XKR5: variants seen among roughly 807,000 people sequenced by gnomAD.
XKR5 encodes XK related 5.
XKR5 carries 46 observed loss-of-function variants against 40.8 expected under a neutral mutation model. The observed-to-expected ratio is 1.13, with a 90% CI of 0.89 to 1.44. The LOEUF is 1.44. Among genes scored for constraint, XKR5 ranks in the 40% most tolerant of loss-of-function variants. The pLI is 0.00. For synonymous variants in XKR5, 466 were observed against 356.1 expected, an observed-to-expected ratio of 1.31 and a Z score of -3.48; for missense variants, 1,169 against 844.7, an observed-to-expected ratio of 1.38 and a Z score of -4.76.
chr8:6,817,770 C>T (rs1320882903), intron 5 of XKR5, among the ~76,000 whole-genome samples: 1 of 152,208 alleles, frequency 6.6e-6, no homozygotes, highest in Non-Finnish European at 1.5e-5. Flanking sequence ...CCAGAACTGT[C>T]TCCTCAAGTA....
chr8:6,833,364 T>C (rs1310604812), intron 1 of XKR5, among the ~76,000 whole-genome samples: 3 of 152,234 alleles, frequency 2.0e-5, no homozygotes, highest in Admixed American at 2.0e-4. Context: ...TGGCCCGGCA[T>C]GGTGTGCCAT....
chr8:6,825,098 A>T (rs1471807780), intron 3 of XKR5, 67 bp downstream of exon 3: 1 of 1,586,020 alleles, frequency 6.3e-7, no homozygotes, highest in African/African-American at 1.4e-5. Context: ...GTTTTGCTAA[A>T]CAGGCTCACA....
chr8:6,833,972 GGAGA>G (rs1804884481), intron 1 of XKR5, among the ~76,000 whole-genome samples: 1 of 152,178 alleles, frequency 6.6e-6, no homozygotes, highest in South Asian at 2.1e-4. Flanking sequence ...GTTACGCAGT[GGAGA>G]GAGAATGTGC....
intron 1 of XKR5, among the ~76,000 whole-genome samples, chr8:6,833,704 A>C (rs887925982): frequency 6.6e-6 from 1 of 151,708 alleles, no homozygotes; most frequent in African/African-American, 2.4e-5. Context: ...CCACAGAGCA[A>C]GACTCTTGTC....
chr8:6,826,330 AGTGT>A (rs147603963), intron 2 of XKR5, among the ~76,000 whole-genome samples: 71 of 138,566 alleles, frequency 5.1e-4, no homozygotes, highest in African/African-American at 1.4e-3. Context: ...GTGCAGTGTG[AGTGT>A]GTGTGTGTGC....
At chr8:6,821,117 C>A (rs550085093) in intron 5 of XKR5, among the ~76,000 whole-genome samples, 1 of 152,176 alleles carries the variant, frequency 6.6e-6, no homozygotes, top group African/African-American at 2.4e-5. Flanking sequence ...AAATTCTTGG[C>A]TGAAGCCAGC....
chr8:6,815,433 C>T (rs938739825), intron 6 of XKR5, among the ~76,000 whole-genome samples: 3 of 152,104 alleles, frequency 2.0e-5, no homozygotes, highest in East Asian at 1.9e-4. Flanking sequence ...ACCCACTTCC[C>T]GGGGTGCTTG....
chr8:6,826,531 T>G (rs1804488584), intron 2 of XKR5, among the ~76,000 whole-genome samples: 1 of 152,116 alleles, frequency 6.6e-6, no homozygotes, highest in Admixed American at 6.5e-5. Context: ...GAAGTTGCAG[T>G]GGCTTTGAGG....
chr8:6,825,719 A>G (rs1046400869), intron 2 of XKR5, among the ~76,000 whole-genome samples: 5 of 152,144 alleles, frequency 3.3e-5, no homozygotes, highest in South Asian at 2.1e-4. Flanking sequence ...ATGGGAATTC[A>G]TTTATCGACA....
chr8:6,814,631 G>A (rs907807981), intron 6 of XKR5, among the ~76,000 whole-genome samples: 7 of 152,140 alleles, frequency 4.6e-5, no homozygotes, highest in African/African-American at 1.7e-4. Context: ...TAATGGGTAC[G>A]GGGAGCTCTG....
chr8:6,835,158 C>A (rs189650034), intron 1 of XKR5, among the ~76,000 whole-genome samples: 2 of 136,572 alleles, frequency 1.5e-5, no homozygotes, highest in East Asian at 2.1e-4. Context: ...CGTGCATGGG[C>A]GGGAGGAAGT....
intron 3 of XKR5, among the ~76,000 whole-genome samples, chr8:6,824,937 T>C (rs915647746): frequency 2.6e-5 from 4 of 152,236 alleles, no homozygotes; most frequent in Non-Finnish European, 5.9e-5. Context: ...TTCTATCTTA[T>C]GGGCTGACTT....
At chr8:6,820,067 T>C (rs1177359384) in intron 5 of XKR5, among the ~76,000 whole-genome samples, 1 of 152,180 alleles carries the variant, frequency 6.6e-6, no homozygotes, top group Non-Finnish European at 1.5e-5. Flanking sequence ...ATGCAAAAAC[T>C]GGGTGTGGGG....
intron 1 of XKR5, among the ~76,000 whole-genome samples, chr8:6,833,792 G>A (rs1197192390): frequency 6.6e-6 from 1 of 152,360 alleles, no homozygotes; most frequent in East Asian, 1.9e-4. Flanking sequence ...CAGGCTGGGA[G>A]CCAGCAGAGC....
chr8:6,822,188 G>T, intron 4 of XKR5, 150 bp from the exon 5 acceptor site: 1 of 726,240 alleles, frequency 1.4e-6, no homozygotes, highest in Non-Finnish European at 2.2e-6. Context: ...GATTTGAGGG[G>T]GACAGAAAAC....
At chr8:6,826,838 G>A (rs1162603062) in intron 2 of XKR5, among the ~76,000 whole-genome samples, 5 of 152,186 alleles carry the variant, frequency 3.3e-5, no homozygotes, top group South Asian at 2.1e-4. Flanking sequence ...ACCAGGCAGC[G>A]GAGAGAGCTG....
chr8:6,823,847 G>C (rs766539292), intron 3 of XKR5, 117 bp from the exon 4 acceptor site: 5 of 884,106 alleles, frequency 5.7e-6, no homozygotes, highest in Admixed American at 2.2e-5. Flanking sequence ...TTAAAGCCTG[G>C]CTGCACAGAG....
rs370846642 is a variant in XKR5, at chr8:6,823,578, C to G, written c.580G>C (p.Val194Leu). Residue 194 changes from valine (V) to leucine (L), a missense_variant, in exon 4 of 7, where the codon GTG becomes CTG. Transcript: ENST00000618742. ...TTGTAGAACAGAACCAGACTCAGCA[C>G]GCGGGTTCCCAACATGCCCATCCTC... is the stretch of plus-strand genomic sequence containing the variant. ...LWRMGMLGTR[V>L]LSLVLFYKAY... 6 of 1,596,878 alleles carry G rather than the reference C, an allele frequency of 3.8e-6. No individual in the cohort carries two copies. Among genetic ancestry groups the G allele is most frequent in the Non-Finnish European group, 8.5e-7 (1 of 1,171,722 alleles).
chr8:6,828,914 T>G (rs1804637278), intron 2 of XKR5, among the ~76,000 whole-genome samples: 1 of 152,196 alleles, frequency 6.6e-6, no homozygotes, highest in Non-Finnish European at 1.5e-5. Flanking sequence ...ATTCTTACCC[T>G]TTAGTCTCAA....
Sources: allele counts gnomAD v4.1 joint callset (sites outside exome capture counted in the v4.1 genomes callset), GRCh38; gene constraint gnomAD v4.1.1; transcripts MANE v1.5; gene names NCBI Gene and HGNC (gene_info 2026-07-23, HGNC 2026-07-21).